ST3GAL1: variants seen among roughly 807,000 people sequenced by gnomAD.
ST3GAL1 encodes the protein ST3 beta-galactoside alpha-2,3-sialyltransferase 1.
A neutral mutation model predicts 34.1 loss-of-function variants in ST3GAL1; 16 were observed. The ratio of observed to expected loss-of-function variants is 0.47; its 90% CI spans 0.32 to 0.71. The LOEUF is 0.71. Among genes scored for constraint, ST3GAL1 ranks in the 30% least tolerant of loss-of-function variants. The probability of loss-of-function intolerance (pLI) is 0.04; values close to 1 mark genes in which losing one functional copy is unlikely to be tolerated. For missense variants in ST3GAL1, 353 were observed against 447.4 expected (o/e 0.79, Z 1.90); for synonymous variants, 191 against 184.7 (o/e 1.03, Z -0.28).
intron 1 of ST3GAL1, among the ~76,000 whole-genome samples, chr8:133,557,848 T>C (rs888522851): frequency 1.4e-5 from 2 of 143,796 alleles, no homozygotes; most frequent in African/African-American, 5.3e-5. Context: ...GAGGTTGCAG[T>C]GAGCTGAGAT....
intron 1 of ST3GAL1, among the ~76,000 whole-genome samples, chr8:133,558,218 G>A (rs150116908): frequency 1.6e-4 from 25 of 152,274 alleles, no homozygotes; most frequent in Middle Eastern, 3.4e-3. Flanking sequence ...TCAAGGAGGC[G>A]GAACAAGAAT....
At chr8:133,482,307 A>T (rs1816422410) in intron 3 of ST3GAL1, among the ~76,000 whole-genome samples, 1 of 152,074 alleles carries the variant, frequency 6.6e-6, no homozygotes, top group African/African-American at 2.4e-5. Context: ...CCAAAGTAGA[A>T]GTCACAGCAT....
At position 133,541,120 on chromosome 8, in the gene ST3GAL1, T is replaced by TATATATATATATAGAGAG. The variant is rs71299078; in HGVS notation, c.-429+4653_-429+4654insCTCTCTATATATATATAT. Among the ~76,000 whole-genome samples the TATATATATATATAGAGAG allele has an allele frequency of 6.6e-4, 32 of 48,644 alleles. 6 individuals carry two copies. Among genetic ancestry groups the TATATATATATATAGAGAG allele is most frequent in the African/African-American group, 3.1e-3 (31 of 10,138 alleles). 31.9% of individuals were successfully genotyped at this position (48,644 alleles called of 152,430 possible). A position where few individuals can be genotyped will look rare whatever the true frequency, so the allele number is the denominator to read the frequency against. Reference sequence around the variant, plus strand: ...ACATATATATATATATATATATATATAGAGAGAGAGAGAGAGAGAGAGAGA... The same window carrying TATATATATATATAGAGAG: ...ACATATATATATATATATATATATATATATATATATATAGAGAGAGAGAGAGAGAGAGAGAGAGAGAGA... On this transcript the variant is annotated intron_variant, in intron 2 of 9. Transcript: ENST00000522652.
rs148331261 is a variant in ST3GAL1 at position 133,481,422 on chromosome 8, G to T, written c.-373-4822C>A. Among the ~76,000 whole-genome samples the T allele has an allele frequency of 2.3e-3, 354 of 152,280 alleles. 1 individual carries two copies. Among genetic ancestry groups the T allele is most frequent in the African/African-American group, 8.3e-3 (346 of 41,556 alleles). On this transcript the variant is annotated intron_variant, in intron 3 of 9. Transcript: ENST00000522652. ...CCAATTTCTGTCTCCCCTGTACTAT[G>T]AGATCACCGTAAGCTTAACTTTTTA...
At chr8:133,555,276 G>C (rs749481086) in intron 1 of ST3GAL1, among the ~76,000 whole-genome samples, 2 of 152,094 alleles carry the variant, frequency 1.3e-5, no homozygotes, top group African/African-American at 4.8e-5. Context: ...GGAACAGCAC[G>C]CTTCCCTGGT....
At chr8:133,540,450 C>T (rs1011091634) in intron 2 of ST3GAL1, among the ~76,000 whole-genome samples, 3 of 152,048 alleles carry the variant, frequency 2.0e-5, no homozygotes, top group Non-Finnish European at 4.4e-5. Flanking sequence ...TGTGACACTG[C>T]CCAGAAGGAA....
chr8:133,526,770 G>C (rs1211182768), intron 2 of ST3GAL1, among the ~76,000 whole-genome samples: 1 of 152,116 alleles, frequency 6.6e-6, no homozygotes, highest in Non-Finnish European at 1.5e-5. Flanking sequence ...AGAGGTCATT[G>C]GATGCAGTTT....
intron 1 of ST3GAL1, among the ~76,000 whole-genome samples, chr8:133,559,116 T>C (rs1231966497): frequency 2.6e-5 from 4 of 151,932 alleles, no homozygotes; most frequent in African/African-American, 4.8e-5. Context: ...GCGATGCTGT[T>C]TGGGGCCTTC....
At chr8:133,563,167 T>C (rs1190107454) in intron 1 of ST3GAL1, among the ~76,000 whole-genome samples, 2 of 152,190 alleles carry the variant, frequency 1.3e-5, no homozygotes, top group African/African-American at 4.8e-5. Flanking sequence ...GTGCTATCTA[T>C]TGCATTTGAT....
chr8:133,562,915 A>G (rs566067511), intron 1 of ST3GAL1, among the ~76,000 whole-genome samples: 31 of 104,402 alleles, frequency 3.0e-4, no homozygotes, highest in Admixed American at 5.6e-4. Context: ...AATTAGATAG[A>G]TTTTTGTTTT....
chr8:133,521,182 A>G (rs1307819471), intron 2 of ST3GAL1, among the ~76,000 whole-genome samples: 5 of 115,260 alleles, frequency 4.3e-5, no homozygotes, highest in Non-Finnish European at 8.7e-5. Context: ...TGCCCAGGCT[A>G]GAGTGCAGTG....
intron 1 of ST3GAL1, among the ~76,000 whole-genome samples, chr8:133,551,635 T>G (rs544387838): frequency 1.3e-5 from 2 of 150,760 alleles, no homozygotes; most frequent in East Asian, 3.9e-4. Context: ...CAAGCCTTTC[T>G]CTGAGTTTTA....
intron 2 of ST3GAL1, among the ~76,000 whole-genome samples, chr8:133,543,433 G>A (rs77172508): frequency 0.024 from 3,660 of 152,184 alleles, 210 homozygotes; most frequent in East Asian, 0.23. Context: ...AGAAAGTTGT[G>A]TTCTAAGATG....
chr8:133,524,004 G>C (rs2131032072), intron 2 of ST3GAL1, among the ~76,000 whole-genome samples: 1 of 152,220 alleles, frequency 6.6e-6, no homozygotes, highest in Non-Finnish European at 1.5e-5. Flanking sequence ...TCAACTCAAA[G>C]ACTAAGCCAG....
intron 2 of ST3GAL1, among the ~76,000 whole-genome samples, chr8:133,545,043 A>G (rs376790734): frequency 4.6e-5 from 7 of 152,326 alleles, no homozygotes; most frequent in East Asian, 3.9e-4. Flanking sequence ...TGCACTATCC[A>G]TGGGTACCCA....
At chr8:133,504,750 C>A (rs532655823) in intron 2 of ST3GAL1, among the ~76,000 whole-genome samples, 1 of 151,950 alleles carries the variant, frequency 6.6e-6, no homozygotes, top group Non-Finnish European at 1.5e-5. Flanking sequence ...GGGAAGGCTT[C>A]GGAGAGGAGG....
At chr8:133,559,848 C>G (rs1009969272) in intron 1 of ST3GAL1, among the ~76,000 whole-genome samples, 2 of 152,200 alleles carry the variant, frequency 1.3e-5, no homozygotes, top group Non-Finnish European at 2.9e-5. Flanking sequence ...CCTGCTCAGT[C>G]CTTTCTCCAA....
At chr8:133,522,188 C>T (rs904070978) in intron 2 of ST3GAL1, among the ~76,000 whole-genome samples, 3 of 152,038 alleles carry the variant, frequency 2.0e-5, no homozygotes, top group Non-Finnish European at 4.4e-5. Context: ...AGCTTATACC[C>T]AAAGCAGAGA....
chr8:133,567,968 T>C (rs1819455055), intron 1 of ST3GAL1, among the ~76,000 whole-genome samples: 1 of 150,424 alleles, frequency 6.6e-6, no homozygotes, highest in African/African-American at 2.5e-5. Flanking sequence ...TCGCCGAGAC[T>C]GGAGTGCCAT....
Sources: gnomAD v4.1 joint callset for allele counts (sites outside exome capture counted in the v4.1 genomes callset) on GRCh38, gnomAD v4.1.1 for gene constraint, MANE v1.5 for transcripts, NCBI Gene and HGNC (gene_info 2026-07-23, HGNC 2026-07-21) for gene names.